Variants in TSEN34 observed in about 807,000 individuals in gnomAD.
The protein encoded by TSEN34 is tRNA-splicing endonuclease subunit Sen34.
Under a neutral mutation model 30.2 loss-of-function variants are expected in TSEN34, and 25 were observed. The observed-to-expected ratio is 0.83, with a 90% confidence interval of 0.60 to 1.16. The LOEUF is 1.16. Ranked by LOEUF, TSEN34 falls within the 50% of genes most tolerant of loss-of-function variation. The pLI, the probability that TSEN34 is intolerant of heterozygous loss-of-function variation, is 0.00. For synonymous variants in TSEN34, 209 were observed against 177.4 expected, an observed-to-expected ratio of 1.18 and a Z score of -1.41; for missense variants, 475 against 411.9, an observed-to-expected ratio of 1.15 and a Z score of -1.33.
chr19:54,190,711 G>A (rs891040298), upstream of TSEN34: 22 of 1,240,488 alleles, frequency 1.8e-5, no homozygotes, highest in Non-Finnish European at 2.2e-5. Context: ...AAGGGGGCGG[G>A]GCTGCGGATT....
rs761741091 is a variant in TSEN34, at chr19:54,193,577, C to G, written c.*215C>G. ...TAGTTACCTATTTTCACACTGTGAG[C>G]TTCCCGAGAATGGGGCCTGGGTTTG... On this transcript the variant is annotated 3_prime_UTR_variant, in exon 4 of 4. Coordinates refer to ENST00000396388, the MANE Select transcript of TSEN34 (RefSeq NM_001077446.4). 3 of 1,508,744 alleles carry G rather than the reference C, an allele frequency of 2.0e-6. No individual in the cohort carries two copies. Among genetic ancestry groups the G allele is most frequent in the Non-Finnish European group, 2.7e-6 (3 of 1,121,992 alleles). 93.5% of individuals were successfully genotyped at this position (1,508,744 alleles called of 1,614,324 possible). A position where few individuals can be genotyped will look rare whatever the true frequency, so the allele number is the denominator to read the frequency against.
chr19:54,191,248 C>T (rs1426291248), upstream of TSEN34: 14 of 1,488,318 alleles, frequency 9.4e-6, no homozygotes. Context: ...GAGGCCCCGC[C>T]CCCTGAGGCC....
rs913843024 is a variant in TSEN34, at chr19:54,193,952, A to G, written c.*590A>G. On this transcript the variant is annotated 3_prime_UTR_variant, in exon 4 of 4. Transcript: ENST00000396388. ...CGATGACCCACACCTGTAATCCCACAGAACTTTTGGAGGCCAAGGCAGGGG... is the reference window on the plus strand; with the variant it reads ...CGATGACCCACACCTGTAATCCCACGGAACTTTTGGAGGCCAAGGCAGGGG... 2 of 440,548 alleles carry G rather than the reference A, an allele frequency of 4.5e-6. No individual in the cohort carries two copies. Among genetic ancestry groups the G allele is most frequent in the Non-Finnish European group, 8.1e-6 (2 of 247,694 alleles). 27.3% of individuals were successfully genotyped at this position (440,548 alleles called of 1,614,324 possible). A position where few individuals can be genotyped will look rare whatever the true frequency, so the allele number is the denominator to read the frequency against.
At chr19:54,192,509 C>T in intron 3 of TSEN34, 136 bp downstream of exon 3, 1 of 1,202,576 alleles carries the variant, frequency 8.3e-7, no homozygotes, top group Non-Finnish European at 1.2e-6. Flanking sequence ...TATTCCTGGG[C>T]TCAAGCAATC....
chr19:54,191,390 G>A lies in TSEN34; in HGVS notation c.26G>A (p.Gly9Asp). The change falls in exon 1 of 4, where the codon GGC (glycine) becomes GAC (aspartate). Residue 9 changes from glycine to aspartate, a missense_variant. Gly to Asp is a moderately conservative substitution (Grantham distance 94). Transcript: ENST00000396388. ...ATGCTGGTGGTGGAGGTGGCGAACGGCCGCTCCCTGGTGTGGGGAGCCGAG... is the reference window on the plus strand; with the variant it reads ...ATGCTGGTGGTGGAGGTGGCGAACGACCGCTCCCTGGTGTGGGGAGCCGAG... Reference protein sequence around the residue: MLVVEVANGRSLVWGAEAV... With the variant: MLVVEVANDRSLVWGAEAV... The A allele has an allele frequency of 1.9e-6, 3 of 1,549,592 alleles. No homozygotes were observed. Among genetic ancestry groups the A allele is most frequent in the Non-Finnish European group, 2.6e-6 (3 of 1,146,964 alleles).
upstream of TSEN34, chr19:54,191,125 G>C: frequency 7.5e-7 from 1 of 1,340,216 alleles, no homozygotes; most frequent in Non-Finnish European, 9.5e-7. Flanking sequence ...CGAGGGGAGA[G>C]GGTCGGGGGC....
At chr19:54,190,437 C>T (rs2076623270), upstream of TSEN34, 8 of 1,439,408 alleles carry the variant, frequency 5.6e-6, no homozygotes, top group South Asian at 8.6e-5. Context: ...GCGGACTGAG[C>T]GCTCCCAATT....
upstream of TSEN34, chr19:54,191,175 G>C (rs368869320): frequency 4.2e-4 from 588 of 1,385,156 alleles, 4 homozygotes; most frequent in East Asian, 0.012. Flanking sequence ...GCGAGGCCTG[G>C]TGGGATCGCC....
In TSEN34 at chr19:54,193,392, T is replaced by C; in HGVS notation, c.*30T>C. The C allele has an allele frequency of 6.2e-7, 1 of 1,613,770 alleles. No homozygotes were observed. ...CAGAGACCTAGGGGATGTGGCTGTG[T>C]CGGCAGCAAGAGCCTTTCTGGATGT... On this transcript the variant is annotated 3_prime_UTR_variant, in exon 4 of 4. Coordinates refer to ENST00000396388, the MANE Select transcript of TSEN34 (RefSeq NM_001077446.4).
chr19:54,194,190 T>C lies in TSEN34; in HGVS notation c.*828T>C. ...ATATATATGTGTGTGTGTATATATG[T>C]AAATATACACACATGTATGTATATA... is the stretch of plus-strand genomic sequence containing the variant. On this transcript the variant is annotated 3_prime_UTR_variant, in exon 4 of 4. Coordinates refer to ENST00000396388, the MANE Select transcript of TSEN34 (RefSeq NM_001077446.4). The C allele has an allele frequency of 6.3e-6, 1 of 157,686 alleles. No individual in the cohort carries two copies. The highest frequency in any genetic ancestry group is 1.4e-5 in the Non-Finnish European group (1 of 71,326). 9.8% of individuals were successfully genotyped at this position (157,686 alleles called of 1,614,324 possible). A position where few individuals can be genotyped will look rare whatever the true frequency, so the allele number is the denominator to read the frequency against.
upstream of TSEN34, chr19:54,190,217 C>T (rs2076611703): frequency 4.3e-6 from 3 of 698,142 alleles, no homozygotes; most frequent in South Asian, 5.2e-5. Context: ...GGCGGGGCTT[C>T]GGTCCTGCGA....
chr19:54,191,221 G>T, upstream of TSEN34: 1 of 1,430,224 alleles, frequency 7.0e-7, no homozygotes, highest in Non-Finnish European at 9.1e-7. Flanking sequence ...CCAGCAGGTG[G>T]TGAACGGCGG....
At position 54,191,779 on chromosome 19, in the gene TSEN34, C is replaced by A; in HGVS notation, c.302C>A (p.Ala101Glu). ...EESFQEQSAL[A>E]AEARETRRQE... ...AGCTTCCAGGAGCAGAGCGCCTTGG[C>A]AGCTGAGGCCCGGGAGACCCGTCGT... Residue 101 changes from alanine (A) to glutamate (E), a missense_variant, in exon 2 of 4, where the codon GCA (alanine) becomes GAA (glutamate). Physicochemically the swap from Ala to Glu is moderately radical, Grantham distance 107 (BLOSUM62 -1). Coordinates refer to ENST00000396388, the MANE Select transcript of TSEN34 (RefSeq NM_001077446.4). 6.2e-7 allele frequency: 1 copy of A among 1,614,186 alleles called. No homozygotes were observed.
chr19:54,190,332 G>A, upstream of TSEN34: 3 of 1,528,668 alleles, frequency 2.0e-6, no homozygotes, highest in Non-Finnish European at 8.8e-7. Context: ...GCGGTGCGCA[G>A]TGGGTGGCTC....
chr19:54,191,996 G>A lies in TSEN34; in HGVS notation c.487+32G>A. ...ATGGGAGGTGGAGTCCAGGGACCAC[G>A]GGAAGGAGAGGAGAGATCTTTTAGG... On this transcript the variant is annotated intron_variant, in intron 2 of 3. Coordinates refer to ENST00000396388, the MANE Select transcript of TSEN34 (RefSeq NM_001077446.4). 2.5e-6 allele frequency: 4 copies of A among 1,614,084 alleles called. No homozygotes were observed. The Admixed American group carries it at 6.7e-5, about 27-fold the overall frequency.
chr19:54,191,448 G>T lies in TSEN34; in HGVS notation c.84G>T (p.Val28=), dbSNP rs1212970068. ...AVQALRERLG[V]GGRTVGALPR... ...AGGCCCTCCGGGAGCGCCTGGGTGT[G>T]GGGGGCCGCACGGTAGGCGCCCTGC... The change falls in exon 1 of 4, where the codon GTG becomes GTT. Residue 28 remains valine (V), a synonymous_variant. Transcript: ENST00000396388. 5 of 1,547,730 alleles carry T rather than the reference G, an allele frequency of 3.2e-6. No homozygotes were observed. In the African/African-American group the frequency reaches 5.5e-5, roughly 17 times the overall value.
At position 54,193,662 on chromosome 19, in the gene TSEN34, A is replaced by G; in HGVS notation, c.*300A>G. The G allele has an allele frequency of 2.1e-6, 2 of 935,586 alleles. No individual in the cohort carries two copies. Among genetic ancestry groups the G allele is most frequent in the Non-Finnish European group, 3.3e-6 (2 of 598,694 alleles). 58.0% of individuals were successfully genotyped at this position (935,586 alleles called of 1,614,324 possible). ...AGGTCTCAATAAACTTGGTATATAA[A>G]TGTTCATGATTTGAATGTTTGCGAC... On this transcript the variant is annotated 3_prime_UTR_variant, in exon 4 of 4. Transcript: ENST00000396388.
At chr19:54,192,447 T>C in intron 3 of TSEN34, 74 bp downstream of exon 3, 1 of 1,592,514 alleles carries the variant, frequency 6.3e-7, no homozygotes, top group East Asian at 2.2e-5. Context: ...TTTTCTTTTT[T>C]TTTTTTTTTG....
At chr19:54,192,525 ACCTCGGCC>A (rs2076749791) in intron 3 of TSEN34, 152 bp downstream of exon 3, 4 of 1,062,140 alleles carry the variant, frequency 3.8e-6, no homozygotes, top group Middle Eastern at 3.0e-4. Flanking sequence ...CAATCCTTCC[ACCTCGGCC>A]CCCCAAAGTG....
Sources: allele counts gnomAD v4.1 joint callset, GRCh38; gene constraint gnomAD v4.1.1; transcripts MANE v1.5; gene names NCBI Gene and HGNC (gene_info 2026-07-23, HGNC 2026-07-21).